The following GNG12 variants were observed in gnomAD, a reference collection of about 807,000 sequenced individuals.
GNG12 encodes G protein subunit gamma 12, also known as guanine nucleotide-binding protein G(I)/G(S)/G(O) subunit gamma-12.
For synonymous variants in GNG12, 28 were observed against 29.7 expected, an observed-to-expected ratio of 0.94 and a Z score of 0.19; for missense variants, 69 against 83.8, an observed-to-expected ratio of 0.82 and a Z score of 0.69.
intron 2 of GNG12, among the ~76,000 whole-genome samples, chr1:67,769,730 T>C (rs1193352583): frequency 6.6e-6 from 1 of 152,162 alleles, no homozygotes; most frequent in Non-Finnish European, 1.5e-5. Context: ...CGCTTTGGAA[T>C]CTCTGAGGCC....
chr1:67,727,666 T>C (rs1286401365), intron 2 of GNG12, among the ~76,000 whole-genome samples: 2 of 152,244 alleles, frequency 1.3e-5, no homozygotes, highest in Non-Finnish European at 2.9e-5. Flanking sequence ...TGTATGTCCC[T>C]TCTGCCTTTA....
chr1:67,785,555 C>G (rs1053293587), intron 1 of GNG12, among the ~76,000 whole-genome samples: 26 of 152,112 alleles, frequency 1.7e-4, no homozygotes, highest in African/African-American at 6.3e-4. Context: ...TCCTAAATCA[C>G]CTGGCATCTT....
chr1:67,751,228 C>T (rs182216761), intron 2 of GNG12, among the ~76,000 whole-genome samples: 3 of 151,006 alleles, frequency 2.0e-5, no homozygotes, highest in South Asian at 2.1e-4. Context: ...TATACACACA[C>T]GTTTTAAAAT....
chr1:67,808,698 T>C (rs1646907001), intron 1 of GNG12, among the ~76,000 whole-genome samples: 1 of 152,158 alleles, frequency 6.6e-6, no homozygotes, highest in Non-Finnish European at 1.5e-5. Flanking sequence ...TTACTATTTA[T>C]ATTAGCACTC....
At chr1:67,734,046 G>C (rs1646436732) in intron 2 of GNG12, among the ~76,000 whole-genome samples, 1 of 152,142 alleles carries the variant, frequency 6.6e-6, no homozygotes, top group African/African-American at 2.4e-5. Context: ...CAGGAAACTT[G>C]AGTTCCTTTC....
chr1:67,744,363 C>T (rs1445332106), intron 2 of GNG12, among the ~76,000 whole-genome samples: 2 of 152,218 alleles, frequency 1.3e-5, no homozygotes, highest in East Asian at 3.8e-4. Flanking sequence ...CTGCCAACTG[C>T]TGTCCGCAAC....
intron 1 of GNG12, among the ~76,000 whole-genome samples, chr1:67,820,343 T>C (rs1435539592): frequency 4.0e-5 from 6 of 151,126 alleles, no homozygotes; most frequent in African/African-American, 1.5e-4. Flanking sequence ...GATTGTGCCA[T>C]TATACTCCAG....
intron 1 of GNG12, among the ~76,000 whole-genome samples, chr1:67,779,732 T>C (rs982829179): frequency 2.0e-5 from 3 of 152,152 alleles, no homozygotes; most frequent in Admixed American, 1.3e-4. Flanking sequence ...ACTATAGTTA[T>C]GTGTCCCTGA....
intron 2 of GNG12, among the ~76,000 whole-genome samples, chr1:67,766,106 GCACA>G (rs59348663): frequency 0.054 from 7,553 of 139,832 alleles, 251 homozygotes; most frequent in South Asian, 0.068. Flanking sequence ...AGGCACACAC[GCACA>G]CACACACACA....
At chr1:67,797,840 C>T (rs1646841184) in intron 1 of GNG12, among the ~76,000 whole-genome samples, 1 of 152,168 alleles carries the variant, frequency 6.6e-6, no homozygotes, top group Non-Finnish European at 1.5e-5. Context: ...AGATCTTCCT[C>T]AGGTGACTGC....
At chr1:67,744,146 C>G (rs1272332337) in intron 2 of GNG12, among the ~76,000 whole-genome samples, 4 of 152,196 alleles carry the variant, frequency 2.6e-5, no homozygotes, top group African/African-American at 4.8e-5. Flanking sequence ...AATCTTCACA[C>G]TAACCCTATG....
At chr1:67,750,167 T>C (rs1023084396) in intron 2 of GNG12, among the ~76,000 whole-genome samples, 2 of 152,228 alleles carry the variant, frequency 1.3e-5, no homozygotes, top group African/African-American at 2.4e-5. Context: ...ATTTGTAGTT[T>C]TGAATTGCTT....
At chr1:67,707,960 C>A (rs565120217) in intron 2 of GNG12, among the ~76,000 whole-genome samples, 1 of 152,276 alleles carries the variant, frequency 6.6e-6, no homozygotes, top group East Asian at 1.9e-4. Flanking sequence ...AATCGATGCA[C>A]CCCAACATAT....
chr1:67,746,948 T>G (rs1253017900), intron 2 of GNG12, among the ~76,000 whole-genome samples: 1 of 152,030 alleles, frequency 6.6e-6, no homozygotes, highest in African/African-American at 2.4e-5. Flanking sequence ...TTTTTTTTTC[T>G]TTTTTGGTGG....
At chr1:67,824,040 G>A (rs973491215) in intron 1 of GNG12, among the ~76,000 whole-genome samples, 2 of 152,100 alleles carry the variant, frequency 1.3e-5, no homozygotes, top group Non-Finnish European at 2.9e-5. Context: ...GTAAAGAAGA[G>A]TATATACACC....
Position 67,707,580 on chromosome 1 carries a change from T to G in GNG12, c.93+14A>C. The G allele has an allele frequency of 7.5e-7, 1 of 1,331,808 alleles. No individual in the cohort carries two copies. Among genetic ancestry groups the G allele is most frequent in the Non-Finnish European group, 1.1e-6 (1 of 927,714 alleles). 82.5% of individuals were successfully genotyped at this position (1,331,808 alleles called of 1,614,324 possible). On this transcript the variant is annotated intron_variant, in intron 3 of 3. Coordinates refer to ENST00000370982, the MANE Select transcript of GNG12 (RefSeq NM_018841.6). ...TGAGCAGAAAGCATATGTTATCCAG[T>G]CGGGGCTTCTTACCTTTATTCTTTC...
At position 67,814,716 on chromosome 1, in the gene GNG12, G is replaced by T. The variant is rs145648697; in HGVS notation, c.-77+18628C>A. ...GGACAATCTTCTGTGGACAGTAAAA[G>T]GAAACACGTCTCTTAAAGCTATTAG... On this transcript the variant is annotated intron_variant, in intron 1 of 3. Coordinates refer to ENST00000370982, the MANE Select transcript of GNG12 (RefSeq NM_018841.6). Among the ~76,000 whole-genome samples, 962 of 152,296 alleles carry T rather than the reference G, an allele frequency of 6.3e-3. 10 individuals are homozygous for T. Among genetic ancestry groups the T allele is most frequent in the African/African-American group, 0.022 (921 of 41,566 alleles).
intron 1 of GNG12, among the ~76,000 whole-genome samples, chr1:67,804,021 C>T (rs1646881339): frequency 6.6e-6 from 1 of 152,090 alleles, no homozygotes; most frequent in Non-Finnish European, 1.5e-5. Flanking sequence ...CTGGCTTTGG[C>T]AAACAAGAGA....
intron 1 of GNG12, among the ~76,000 whole-genome samples, chr1:67,832,735 T>A (rs1439367499): frequency 6.6e-6 from 1 of 152,034 alleles, no homozygotes; most frequent in Non-Finnish European, 1.5e-5. Context: ...ATATGGGCTC[T>A]CCCCTCTGCG....
Sources: gnomAD v4.1 joint callset for allele counts (sites outside exome capture counted in the v4.1 genomes callset) on GRCh38, gnomAD v4.1.1 for gene constraint, MANE v1.5 for transcripts, NCBI Gene and HGNC (gene_info 2026-07-23, HGNC 2026-07-21) for gene names.